KLHL5: variants seen among roughly 807,000 people sequenced by gnomAD.
KLHL5 encodes the protein kelch like family member 5, also known as kelch-like protein 5.
A neutral mutation model predicts 77.7 loss-of-function variants in KLHL5; 48 were observed. That is an observed-to-expected ratio of 0.62 (90% CI 0.49 to 0.79). The LOEUF (loss-of-function observed/expected upper bound fraction) is 0.79, where lower values mean the gene tolerates loss of function less well. Ranked by LOEUF, KLHL5 falls within the 30% of genes least tolerant of loss-of-function variation. KLHL5 has a pLI of 0.00. For missense variants in KLHL5, 723 were observed against 859.7 expected, an observed-to-expected ratio of 0.84 and a Z score of 1.99; for synonymous variants, 260 against 297.0, an observed-to-expected ratio of 0.88 and a Z score of 1.28.
At chr4:39,112,933 C>A in intron 8 of KLHL5, 87 bp from the exon 9 acceptor site, 1 of 1,175,418 alleles carries the variant, frequency 8.5e-7, no homozygotes. Context: ...ACCTTAAATT[C>A]AATGAGATAA....
chr4:39,125,320 C>T lies in KLHL5; in HGVS notation c.*4254C>T, dbSNP rs568926209. On this transcript the variant is annotated 3_prime_UTR_variant, in exon 11 of 11. Coordinates refer to ENST00000504108, the MANE Select transcript of KLHL5 (RefSeq NM_015990.5). ...GTTAAAAAAAAGAATTACCATATGA[C>T]CCAGCAAGTCCACTCCTGGGCATAT... Among the ~76,000 whole-genome samples the T allele has an allele frequency of 5.3e-5, 8 of 152,238 alleles. No individual in the cohort carries two copies. The highest frequency in any genetic ancestry group is 1.9e-4 in the African/African-American group (8 of 41,542).
At chr4:39,142,882 CA>C in the KLHL5 span, among the ~76,000 whole-genome samples, 97 of 151,012 alleles carry the variant, frequency 6.4e-4, no homozygotes, top group African/African-American at 2.1e-3. Flanking sequence ...AGATGAAGAA[CA>C]GATTAGGGAT....
chr4:39,131,273 G>A (rs1051057494), downstream of KLHL5, among the ~76,000 whole-genome samples: 2 of 152,178 alleles, frequency 1.3e-5, no homozygotes, highest in Admixed American at 1.3e-4. Context: ...ATCATACCAT[G>A]TGGAGGTTTC....
chr4:39,141,283 C>T, the KLHL5 span, among the ~76,000 whole-genome samples: 6 of 151,378 alleles, frequency 4.0e-5, 1 homozygote, highest in Admixed American at 4.0e-4. Context: ...TCCTTCATTC[C>T]CGCCTTCATT....
chr4:39,047,091 G>A (rs567443598), intron 1 of KLHL5, among the ~76,000 whole-genome samples: 10 of 152,264 alleles, frequency 6.6e-5, no homozygotes, highest in African/African-American at 2.4e-4. Context: ...ATATGACTAT[G>A]TAACACAAAT....
At chr4:39,069,501 C>CAT (rs1365793876) in intron 1 of KLHL5, among the ~76,000 whole-genome samples, 14,470 of 136,934 alleles carry the variant, frequency 0.11, 1,541 homozygotes, top group African/African-American at 0.25. Context: ...CACACACACA[C>CAT]ATACATATTT....
intron 7 of KLHL5, 33 bp downstream of exon 7, chr4:39,103,544 T>C: frequency 2.6e-6 from 4 of 1,527,386 alleles, no homozygotes; most frequent in Non-Finnish European, 3.6e-6. Flanking sequence ...ACTCAAAATA[T>C]CACATAGCTC....
chr4:39,066,528 T>C (rs948953837), intron 1 of KLHL5, among the ~76,000 whole-genome samples: 1 of 152,172 alleles, frequency 6.6e-6, no homozygotes, highest in African/African-American at 2.4e-5. Flanking sequence ...AACTTTACGA[T>C]GATGGAAAAG....
At position 39,115,139 on chromosome 4, in the gene KLHL5, G is replaced by T. The variant is rs760183329; in HGVS notation, c.1902-20G>T. On this transcript the variant is annotated intron_variant, in intron 9 of 10. Coordinates refer to ENST00000504108, the MANE Select transcript of KLHL5 (RefSeq NM_015990.5). ...TATTTTAAGAATAATGTCAGCTCCG[G>T]TTCTAAAATTTTCTTACAGATATGA... is the stretch of plus-strand genomic sequence containing the variant. 1.9e-6 allele frequency: 3 copies of T among 1,589,804 alleles called. No individual in the cohort carries two copies. The highest frequency in any genetic ancestry group is 2.7e-5 in the African/African-American group (2 of 73,618).
At chr4:39,110,897 G>A (rs746144726) in intron 8 of KLHL5, among the ~76,000 whole-genome samples, 14 of 152,118 alleles carry the variant, frequency 9.2e-5, no homozygotes, top group Admixed American at 4.6e-4. Context: ...AGACACTATC[G>A]TGGTGAAGAG....
intron 7 of KLHL5, among the ~76,000 whole-genome samples, chr4:39,106,974 C>G (rs1047070938): frequency 6.6e-6 from 1 of 151,250 alleles, no homozygotes; most frequent in African/African-American, 2.4e-5. Context: ...AGAAGAGATC[C>G]TTCCACCTTG....
downstream of KLHL5, among the ~76,000 whole-genome samples, chr4:39,131,435 A>G (rs1033744593): frequency 6.6e-6 from 1 of 152,218 alleles, no homozygotes; most frequent in Non-Finnish European, 1.5e-5. Context: ...AAAGCCATGA[A>G]CAACTCAGCA....
the KLHL5 span, among the ~76,000 whole-genome samples, chr4:39,136,308 C>A: frequency 6.6e-6 from 1 of 151,960 alleles, no homozygotes. Flanking sequence ...TACAGGTGCC[C>A]ACCACCAAGT....
intron 1 of KLHL5, among the ~76,000 whole-genome samples, chr4:39,070,883 C>T (rs201128520): frequency 2.0e-5 from 3 of 151,354 alleles, no homozygotes; most frequent in Admixed American, 2.0e-4. Context: ...AATGTCAAGA[C>T]ATTTCAATTC....
intron 1 of KLHL5, among the ~76,000 whole-genome samples, chr4:39,065,296 T>C (rs971967692): frequency 6.6e-6 from 1 of 152,148 alleles, no homozygotes; most frequent in Non-Finnish European, 1.5e-5. Flanking sequence ...TAAGTAGTTG[T>C]TCACCTACTG....
chr4:39,056,017 C>T (rs1716981220), intron 1 of KLHL5, among the ~76,000 whole-genome samples: 1 of 152,134 alleles, frequency 6.6e-6, no homozygotes, highest in Non-Finnish European at 1.5e-5. Context: ...ACCATGAAGT[C>T]ATCTTCAGTT....
intron 1 of KLHL5, among the ~76,000 whole-genome samples, chr4:39,052,068 AT>A (rs1716693878): frequency 6.6e-6 from 1 of 151,912 alleles, no homozygotes; most frequent in Non-Finnish European, 1.5e-5. Flanking sequence ...ATTCCATAAT[AT>A]TTCTTTTGCT....
intron 2 of KLHL5, among the ~76,000 whole-genome samples, chr4:39,080,195 A>G (rs2109372451): frequency 6.6e-6 from 1 of 152,274 alleles, no homozygotes; most frequent in East Asian, 1.9e-4. Context: ...GTTGACATGG[A>G]AATATCTTCA....
At chr4:39,069,845 A>C (rs1478370625) in intron 1 of KLHL5, among the ~76,000 whole-genome samples, 1 of 152,136 alleles carries the variant, frequency 6.6e-6, no homozygotes, top group Non-Finnish European at 1.5e-5. Flanking sequence ...AACAAAAACT[A>C]GAAATTTTCG....
Sources: allele counts gnomAD v4.1 joint callset (sites outside exome capture counted in the v4.1 genomes callset), GRCh38; gene constraint gnomAD v4.1.1; transcripts MANE v1.5; gene names NCBI Gene and HGNC (gene_info 2026-07-23, HGNC 2026-07-21).